PRR5L: variants seen among roughly 807,000 people sequenced by gnomAD.
PRR5L encodes the protein proline rich 5 like.
Under a neutral mutation model 36.4 loss-of-function variants are expected in PRR5L, and 21 were observed. The ratio of observed to expected loss-of-function variants is 0.58; its 90% CI spans 0.41 to 0.83. The LOEUF (loss-of-function observed/expected upper bound fraction) is 0.83. PRR5L is among the 40% of genes least tolerant of loss of function. PRR5L has a pLI of 0.00. For missense variants in PRR5L, 381 were observed against 473.3 expected, an observed-to-expected ratio of 0.80 and a Z score of 1.81; for synonymous variants, 188 against 197.0, an observed-to-expected ratio of 0.95 and a Z score of 0.38.
rs752128039 is a variant in PRR5L at position 36,462,631 on chromosome 11, G to T, written c.1002G>T (p.Arg334=). The change falls in exon 9 of 9, where the codon CGG becomes CGT. Residue 334 remains arginine, a synonymous_variant. Coordinates refer to ENST00000530639, the MANE Select transcript of PRR5L (RefSeq NM_001160167.2). ...LLPPSFPPPH[R]QCSSEPNITD... ...CACCCAGCTTCCCCCCGCCCCACCGGCAGTGCTCCAGTGAGCCCAACATCA... is the reference window on the plus strand; with the variant it reads ...CACCCAGCTTCCCCCCGCCCCACCGTCAGTGCTCCAGTGAGCCCAACATCA... The T allele has an allele frequency of 1.2e-6, 2 of 1,612,326 alleles. No homozygotes were observed. Among genetic ancestry groups the T allele is most frequent in the East Asian group, 4.5e-5 (2 of 44,862 alleles).
chr11:36,333,590 A>G (rs1856740447), intron 1 of PRR5L, among the ~76,000 whole-genome samples: 1 of 152,210 alleles, frequency 6.6e-6, no homozygotes, highest in Non-Finnish European at 1.5e-5. Flanking sequence ...ATTAATCTCA[A>G]AATAGTTATG....
At chr11:36,395,825 G>T (rs1334529571) in intron 1 of PRR5L, among the ~76,000 whole-genome samples, 3 of 152,088 alleles carry the variant, frequency 2.0e-5, no homozygotes, top group Admixed American at 6.5e-5. Context: ...GGGCCCAAGC[G>T]ATCATCCTGC....
chr11:36,447,696 G>C (rs188126132), intron 7 of PRR5L, among the ~76,000 whole-genome samples: 1 of 152,182 alleles, frequency 6.6e-6, no homozygotes, highest in Non-Finnish European at 1.5e-5. Flanking sequence ...TCCCCCAGCT[G>C]GTGCTCTCTT....
At chr11:36,302,702 G>A (rs1198165103) in intron 1 of PRR5L, among the ~76,000 whole-genome samples, 2 of 152,160 alleles carry the variant, frequency 1.3e-5, no homozygotes, top group East Asian at 3.9e-4. Context: ...CACGAGAATC[G>A]CTTGAGCCTG....
intron 7 of PRR5L, among the ~76,000 whole-genome samples, chr11:36,450,883 A>G (rs903554989): frequency 2.0e-5 from 3 of 152,198 alleles, no homozygotes; most frequent in African/African-American, 7.2e-5. Flanking sequence ...CTGTTTATGA[A>G]CCAGTCACGA....
At chr11:36,383,528 A>C (rs1037388637) in intron 1 of PRR5L, among the ~76,000 whole-genome samples, 2 of 152,154 alleles carry the variant, frequency 1.3e-5, no homozygotes, top group African/African-American at 4.8e-5. Flanking sequence ...ATCTGAACAC[A>C]GGTTTTCAGC....
chr11:36,420,455 C>T lies in PRR5L; in HGVS notation c.294+1152C>T, dbSNP rs1013714753. 5.3e-5 allele frequency among the ~76,000 whole-genome samples: 8 copies of T among 152,222 alleles called. No individual in the cohort carries two copies. The South Asian group carries it at 1.7e-3, about 32-fold the overall frequency. Reference sequence around the variant, plus strand: ...AAGTTGCTTTACCTCTCTGTATTTCCTTTTCTGTGAAACAGCAGTAATAGG... The same window carrying T: ...AAGTTGCTTTACCTCTCTGTATTTCTTTTTCTGTGAAACAGCAGTAATAGG... On this transcript the variant is annotated intron_variant, in intron 4 of 8. Coordinates refer to ENST00000530639, the MANE Select transcript of PRR5L (RefSeq NM_001160167.2).
At chr11:36,431,004 A>G (rs1174682988) in intron 4 of PRR5L, among the ~76,000 whole-genome samples, 3 of 152,332 alleles carry the variant, frequency 2.0e-5, no homozygotes, top group Admixed American at 6.5e-5. Context: ...TAATCTAATA[A>G]TATGACATGA....
intron 1 of PRR5L, among the ~76,000 whole-genome samples, chr11:36,335,859 A>G (rs1417685303): frequency 6.6e-6 from 1 of 152,202 alleles, no homozygotes; most frequent in Non-Finnish European, 1.5e-5. Context: ...TCATTTATTC[A>G]TTTACAAAGC....
intron 4 of PRR5L, among the ~76,000 whole-genome samples, chr11:36,431,535 A>G (rs1373076635): frequency 6.6e-6 from 1 of 152,052 alleles, no homozygotes; most frequent in African/African-American, 2.4e-5. Flanking sequence ...TTAGATCACT[A>G]AGGGCCTCTA....
At chr11:36,404,363 C>G (rs1272571488) in intron 3 of PRR5L, among the ~76,000 whole-genome samples, 1 of 151,212 alleles carries the variant, frequency 6.6e-6, no homozygotes, top group East Asian at 1.9e-4. Context: ...CCTCTGCTTC[C>G]TGGGATCAAG....
chr11:36,403,761 A>G (rs1034745577), intron 3 of PRR5L, among the ~76,000 whole-genome samples: 2 of 152,182 alleles, frequency 1.3e-5, no homozygotes, highest in African/African-American at 4.8e-5. Context: ...CCTTTTACTA[A>G]GTGACTTACC....
intron 1 of PRR5L, among the ~76,000 whole-genome samples, chr11:36,298,705 T>A (rs974765058): frequency 4.6e-5 from 7 of 152,028 alleles, no homozygotes; most frequent in Admixed American, 3.9e-4. Flanking sequence ...GGCCCGGGAG[T>A]TGGGGGCCCC....
intron 7 of PRR5L, among the ~76,000 whole-genome samples, chr11:36,450,987 G>A (rs1858932670): frequency 6.6e-6 from 1 of 152,234 alleles, no homozygotes; most frequent in Non-Finnish European, 1.5e-5. Flanking sequence ...CAGTGGGAGA[G>A]GCTGCTGTGG....
chr11:36,429,822 G>A (rs1858456594), intron 4 of PRR5L, among the ~76,000 whole-genome samples: 1 of 152,164 alleles, frequency 6.6e-6, no homozygotes, highest in Non-Finnish European at 1.5e-5. Flanking sequence ...AGGTGGAGTG[G>A]TTGCCATCTG....
At chr11:36,316,413 C>T (rs1168463731) in intron 1 of PRR5L, among the ~76,000 whole-genome samples, 2 of 152,130 alleles carry the variant, frequency 1.3e-5, no homozygotes, top group African/African-American at 4.8e-5. Context: ...GTGCAGGAGA[C>T]CAAGGTTTTA....
Position 36,403,207 on chromosome 11 carries a change from G to A in PRR5L, c.165-91G>A, listed in dbSNP as rs564434394. 1.3e-4 allele frequency: 134 copies of A among 1,054,226 alleles called. 2 individuals are homozygous for A. In the South Asian group the frequency reaches 1.8e-3, roughly 14 times the overall value. 65.3% of individuals were successfully genotyped at this position (1,054,226 alleles called of 1,614,324 possible). ...GCCAGGTTTGTGCTATGAGCTTCCTGGTCACTCCACACACCTTCAGCCCTG... is the reference window on the plus strand; with the variant it reads ...GCCAGGTTTGTGCTATGAGCTTCCTAGTCACTCCACACACCTTCAGCCCTG... On this transcript the variant is annotated intron_variant, in intron 2 of 8. Transcript: ENST00000530639.
At chr11:36,442,887 CCTTGT>C in intron 6 of PRR5L, among the ~76,000 whole-genome samples, 1 of 152,190 alleles carries the variant, frequency 6.6e-6, no homozygotes, top group African/African-American at 2.4e-5. Flanking sequence ...CCAAACCTTC[CCTTGT>C]CTTTTTGTCA....
intron 1 of PRR5L, among the ~76,000 whole-genome samples, chr11:36,339,469 G>T (rs1856798758): frequency 6.6e-6 from 1 of 152,206 alleles, no homozygotes; most frequent in African/African-American, 2.4e-5. Flanking sequence ...AATAAAAGCT[G>T]ACACTTATTT....
Sources: allele counts gnomAD v4.1 joint callset (sites outside exome capture counted in the v4.1 genomes callset), GRCh38; gene constraint gnomAD v4.1.1; transcripts MANE v1.5; gene names NCBI Gene and HGNC (gene_info 2026-07-23, HGNC 2026-07-21).